ZFAT: variants seen among roughly 807,000 people sequenced by gnomAD.
ZFAT encodes the protein zinc finger protein ZFAT.
ZFAT carries 64 observed loss-of-function variants against 117.7 expected under a neutral mutation model. The observed-to-expected ratio is 0.54, with a 90% CI of 0.44 to 0.67. ZFAT has a LOEUF of 0.67. Among genes scored for constraint, ZFAT ranks in the 30% least tolerant of loss-of-function variants. The pLI is 0.00. For missense variants in ZFAT, 1,433 were observed against 1,584.5 expected, an observed-to-expected ratio of 0.90 and a Z score of 1.62; for synonymous variants, 679 against 615.0, an observed-to-expected ratio of 1.10 and a Z score of -1.54.
At chr8:134,518,393 C>A (rs1471154090) in intron 13 of ZFAT, among the ~76,000 whole-genome samples, 1 of 152,146 alleles carries the variant, frequency 6.6e-6, no homozygotes, top group Non-Finnish European at 1.5e-5. Context: ...TTCCCACCAG[C>A]AACGTATGAG....
At chr8:134,543,866 C>T (rs546733937) in intron 11 of ZFAT, among the ~76,000 whole-genome samples, 1 of 152,260 alleles carries the variant, frequency 6.6e-6, no homozygotes, top group East Asian at 1.9e-4. Context: ...TAAATACCCA[C>T]CCTCCCCACT....
At chr8:134,824,268 A>G in the ZFAT span, among the ~76,000 whole-genome samples, 1 of 152,264 alleles carries the variant, frequency 6.6e-6, no homozygotes, top group Non-Finnish European at 1.5e-5. Flanking sequence ...TAGAATTAGA[A>G]TGCAGGGTTT....
At chr8:134,538,061 C>T (rs1050206133) in intron 11 of ZFAT, among the ~76,000 whole-genome samples, 1 of 152,160 alleles carries the variant, frequency 6.6e-6, no homozygotes, top group Non-Finnish European at 1.5e-5. Flanking sequence ...CAGATCAGGG[C>T]ACAAGCAACT....
At chr8:134,729,480 T>C in the ZFAT span, among the ~76,000 whole-genome samples, 60 of 152,264 alleles carry the variant, frequency 3.9e-4, no homozygotes, top group African/African-American at 1.2e-3. Context: ...TACAGGCGCC[T>C]GCCACCACGC....
chr8:134,577,096 A>G (rs752794733), intron 10 of ZFAT, among the ~76,000 whole-genome samples: 3 of 152,228 alleles, frequency 2.0e-5, no homozygotes, highest in Non-Finnish European at 4.4e-5. Context: ...AGGGCTTTTT[A>G]AAGTCAAAAG....
At chr8:134,663,520 C>T (rs996850149) in intron 1 of ZFAT, among the ~76,000 whole-genome samples, 1 of 152,042 alleles carries the variant, frequency 6.6e-6, no homozygotes, top group African/African-American at 2.4e-5. Context: ...GGGTGGATCA[C>T]GAGGTCAGGA....
intron 15 of ZFAT, among the ~76,000 whole-genome samples, chr8:134,482,549 ATATT>A (rs879883759): frequency 1.2e-4 from 19 of 152,334 alleles, no homozygotes; most frequent in South Asian, 1.2e-3. Context: ...AGTCCTCTAA[ATATT>A]TATTTATTTG....
At chr8:134,579,140 T>C (rs1825537211) in intron 10 of ZFAT, among the ~76,000 whole-genome samples, 2 of 152,174 alleles carry the variant, frequency 1.3e-5, no homozygotes, top group South Asian at 2.1e-4. Flanking sequence ...CACGCTAAGC[T>C]TGGGGGGCCA....
intron 10 of ZFAT, among the ~76,000 whole-genome samples, chr8:134,582,820 A>C (rs1156232661): frequency 6.6e-6 from 1 of 152,234 alleles, no homozygotes; most frequent in Admixed American, 6.5e-5. Flanking sequence ...GATAGAACTT[A>C]AGAGCTATAT....
At chr8:134,578,500 G>A (rs186573388) in intron 10 of ZFAT, among the ~76,000 whole-genome samples, 30 of 152,094 alleles carry the variant, frequency 2.0e-4, no homozygotes, top group Admixed American at 5.2e-4. Context: ...AGAGAGATGG[G>A]GGGATCAAGC....
chr8:134,761,685 C>T, the ZFAT span, among the ~76,000 whole-genome samples: 285 of 151,408 alleles, frequency 1.9e-3, no homozygotes, highest in African/African-American at 5.6e-3. Context: ...GGCGACAAAG[C>T]GAGACTCCGT....
the ZFAT span, chr8:134,798,008 A>C: frequency 6.6e-6 from 1 of 151,880 alleles, no homozygotes; most frequent in Non-Finnish European, 1.5e-5. Context: ...ACACATTAAA[A>C]AAAGTGGAAA....
the ZFAT span, among the ~76,000 whole-genome samples, chr8:134,751,517 G>A: frequency 6.6e-6 from 1 of 152,212 alleles, no homozygotes; most frequent in Non-Finnish European, 1.5e-5. Context: ...ACAGTAAAAT[G>A]TGAGCTATTA....
At chr8:134,580,462 T>C (rs1332931690) in intron 10 of ZFAT, among the ~76,000 whole-genome samples, 2 of 152,174 alleles carry the variant, frequency 1.3e-5, no homozygotes, top group African/African-American at 4.8e-5. Context: ...CAAAGCATGT[T>C]ACAGACATCC....
At chr8:134,726,189 A>G in the ZFAT span, among the ~76,000 whole-genome samples, 4 of 152,128 alleles carry the variant, frequency 2.6e-5, no homozygotes, top group Non-Finnish European at 4.4e-5. Context: ...CCTCAGGACA[A>G]GCAGGAAAGG....
At chr8:134,506,045 A>G (rs1246059890) in intron 15 of ZFAT, among the ~76,000 whole-genome samples, 2 of 152,336 alleles carry the variant, frequency 1.3e-5, no homozygotes, top group East Asian at 3.9e-4. Context: ...GCCACTGGTG[A>G]TGACTATTGC....
the ZFAT span, among the ~76,000 whole-genome samples, chr8:134,832,003 G>C: frequency 1.3e-5 from 2 of 148,898 alleles, no homozygotes; most frequent in Non-Finnish European, 3.0e-5. Flanking sequence ...TCGGGGGTCG[G>C]GCGAGGAGGC....
chr8:134,630,446 G>A (rs1159452859), intron 3 of ZFAT, among the ~76,000 whole-genome samples: 1 of 152,192 alleles, frequency 6.6e-6, no homozygotes, highest in African/African-American at 2.4e-5. Flanking sequence ...CACAAATACA[G>A]TAGAAGGCAG....
At position 134,604,831 on chromosome 8, in the gene ZFAT, T is replaced by C. The variant is rs117953407; in HGVS notation, c.786-1898A>G. ...TATGCCTGCATGCTAAGCCCAAGGC[T>C]AATTTAAGGAAAGTAATTTGGATCT... On this transcript the variant is annotated intron_variant, in intron 5 of 15. Coordinates refer to ENST00000377838, the MANE Select transcript of ZFAT (RefSeq NM_020863.4). 5.7e-3 allele frequency among the ~76,000 whole-genome samples: 874 copies of C among 152,366 alleles called. 3 individuals are homozygous for C. Among genetic ancestry groups the C allele is most frequent in the Non-Finnish European group, 9.7e-3 (661 of 68,036 alleles).
Sources: gnomAD v4.1 joint callset for allele counts (sites outside exome capture counted in the v4.1 genomes callset) on GRCh38, gnomAD v4.1.1 for gene constraint, MANE v1.5 for transcripts, NCBI Gene and HGNC (gene_info 2026-07-23, HGNC 2026-07-21) for gene names.